Variants in HIP1R observed in about 807,000 individuals in gnomAD.
The protein encoded by HIP1R is huntingtin-interacting protein 1-related protein.
HIP1R carries 135 observed loss-of-function variants against 144.2 expected under a neutral mutation model. The ratio of observed to expected loss-of-function variants is 0.94; its 90% confidence interval spans 0.81 to 1.08. The LOEUF (loss-of-function observed/expected upper bound fraction) is 1.08. Among genes scored for constraint, HIP1R ranks in the 50% least tolerant of loss-of-function variants. The pLI, the probability that HIP1R is intolerant of heterozygous loss-of-function variation, is 0.00. For missense variants in HIP1R, 1,462 were observed against 1,432.8 expected, an observed-to-expected ratio of 1.02 and a Z score of -0.33; for synonymous variants, 698 against 612.8, an observed-to-expected ratio of 1.14 and a Z score of -2.05.
chr12:122,860,100 G>C, intron 25 of HIP1R, 23 bp downstream of exon 25: 3 of 1,580,874 alleles, frequency 1.9e-6, no homozygotes, highest in Non-Finnish European at 2.6e-6. Flanking sequence ...GACCCGGGGG[G>C]GTCTGCACCT....
At chr12:122,851,145 G>T in intron 6 of HIP1R, 91 bp from the exon 7 acceptor site, 1 of 1,167,610 alleles carries the variant, frequency 8.6e-7, no homozygotes, top group Non-Finnish European at 1.2e-6. Flanking sequence ...GGTGTCGGCG[G>T]TGCCCCCGTC....
chr12:122,861,259 G>A (rs2033762101), intron 30 of HIP1R, 49 bp from the exon 31 acceptor site: 1 of 1,613,154 alleles, frequency 6.2e-7, no homozygotes, highest in South Asian at 1.1e-5. Context: ...ACCCAGGAGA[G>A]AGCTCCCTGG....
chr12:122,847,533 G>A (rs1234276757), intron 1 of HIP1R, among the ~76,000 whole-genome samples: 2 of 152,230 alleles, frequency 1.3e-5, no homozygotes, highest in Non-Finnish European at 2.9e-5. Flanking sequence ...TGGGCCACAG[G>A]CCCTGGGCTT....
upstream of HIP1R, chr12:122,835,044 G>A (rs1000342421): frequency 7.9e-7 from 1 of 1,266,050 alleles, no homozygotes; most frequent in Middle Eastern, 2.3e-4. Context: ...GGAATTGGCT[G>A]GGGTCCCTAC....
chr12:122,850,194 G>A, intron 5 of HIP1R: 1 of 651,920 alleles, frequency 1.5e-6, no homozygotes, highest in South Asian at 1.5e-5. Context: ...CGTTTCTGTG[G>A]ACATGAGCGC....
chr12:122,852,732 G>T (rs1037056576), intron 7 of HIP1R, among the ~76,000 whole-genome samples: 2 of 152,148 alleles, frequency 1.3e-5, no homozygotes, highest in African/African-American at 2.4e-5. Context: ...AGAACGGAGG[G>T]TGGTGGGAAG....
rs1346526643 is a variant in HIP1R at position 122,835,467 on chromosome 12, C to T, written c.-84C>T. The T allele has an allele frequency of 1.7e-6, 2 of 1,174,530 alleles. No individual in the cohort carries two copies. Among genetic ancestry groups the T allele is most frequent in the Non-Finnish European group, 2.1e-6 (2 of 950,636 alleles). 72.8% of individuals were successfully genotyped at this position (1,174,530 alleles called of 1,614,324 possible). ...GGGCCCGGGCGCGGCGCGGTGGCCT[C>T]GCGGTGCCTAGGCTGGGGCTGCCGG... On this transcript the variant is annotated 5_prime_UTR_variant, in exon 1 of 32. Coordinates refer to ENST00000253083, the MANE Select transcript of HIP1R (RefSeq NM_003959.3).
intron 10 of HIP1R, 27 bp downstream of exon 10, chr12:122,855,155 C>A: frequency 9.3e-6 from 15 of 1,610,320 alleles, no homozygotes; most frequent in Non-Finnish European, 1.3e-5. Context: ...GGCCCCGAGG[C>A]CCTTTGAGGA....
chr12:122,836,858 A>G lies in HIP1R; in HGVS notation c.93+1215A>G, dbSNP rs75762911. On this transcript the variant is annotated intron_variant, in intron 1 of 31. Transcript: ENST00000253083. The surrounding 1 kb of genome is among the most constrained non-coding windows in gnomAD (Gnocchi z 4.1). The stretch of plus-strand genomic sequence containing the variant: ...AGACCTTCTAACCTTTGTGCTTGGG[A>G]TTGACCCAGAAAGCGATAATAAATC... 5.4e-3 allele frequency among the ~76,000 whole-genome samples: 821 copies of G among 152,292 alleles called. 2 individuals are homozygous for G. The highest frequency in any genetic ancestry group is 0.01 in the Admixed American group (155 of 15,292).
At chr12:122,854,744 C>T (rs1351435124) in intron 8 of HIP1R, among the ~76,000 whole-genome samples, 161 bp from the exon 9 acceptor site, 1 of 152,184 alleles carries the variant, frequency 6.6e-6, no homozygotes, top group Non-Finnish European at 1.5e-5. Context: ...CCTCCCACAG[C>T]GTCTCCCACA....
rs367784838 is a variant in HIP1R, at chr12:122,861,520, G to A, written c.3159+6G>A. On this transcript the variant is annotated splice_donor_region_variant and intron_variant, in intron 31 of 31. Transcript: ENST00000253083. ...CCCCCAGACAGGACCACCAGGTGCC[G>A]TCTGCACTGGGATGGGGGAGTTCCT... 7.6e-5 allele frequency: 122 copies of A among 1,607,874 alleles called. No individual in the cohort carries two copies. The African/African-American group carries it at 1.1e-3, about 14-fold the overall frequency.
In HIP1R at chr12:122,856,090, C is replaced by T. The variant is rs1348821494; in HGVS notation, c.1239C>T (p.Arg413=). ...QKALVDNEQL[R]HELAQLRAAQ... ...CCCTGGTGGATAATGAGCAGCTCCGCCACGAGCTGGCCCAGCTGAGGGCTG... is the reference window on the plus strand; with the variant it reads ...CCCTGGTGGATAATGAGCAGCTCCGTCACGAGCTGGCCCAGCTGAGGGCTG... The change falls in exon 14 of 32, where the codon CGC becomes CGT. Residue 413 remains arginine (R), a synonymous_variant. Transcript: ENST00000253083. 1 of 1,585,614 alleles carries T rather than the reference C, an allele frequency of 6.3e-7. No individual in the cohort carries two copies. Among genetic ancestry groups the T allele is most frequent in the South Asian group, 1.1e-5 (1 of 87,594 alleles).
At chr12:122,847,952 T>C (rs965069316) in intron 1 of HIP1R, 79 bp from the exon 2 acceptor site, 3 of 1,348,360 alleles carry the variant, frequency 2.2e-6, no homozygotes, top group South Asian at 1.2e-5. Context: ...CTGTTCAGTA[T>C]TGTGCTTCTC....
upstream of HIP1R, chr12:122,834,995 A>T (rs1446009796): frequency 2.3e-6 from 3 of 1,288,694 alleles, no homozygotes; most frequent in East Asian, 1.7e-4. Context: ...GCCCTGGTGC[A>T]GACAAGACTT....
At position 122,836,155 on chromosome 12, in the gene HIP1R, ATTTCCT is replaced by A. The variant is rs1403955305; in HGVS notation, c.93+514_93+519del. On this transcript the variant is annotated intron_variant, in intron 1 of 31. Coordinates refer to ENST00000253083, the MANE Select transcript of HIP1R (RefSeq NM_003959.3). The surrounding 1 kb of genome is among the most constrained non-coding windows in gnomAD (Gnocchi z 4.1). ...CCTGAAACCGATGCCCCCACGGGCA[ATTTCCT>A]TAAAGGAAATTCCTTAAACTCCCAG... is the stretch of plus-strand genomic sequence containing the variant. 6.6e-6 allele frequency among the ~76,000 whole-genome samples: 1 copy of A among 151,468 alleles called. No homozygotes were observed. Among genetic ancestry groups the A allele is most frequent in the Non-Finnish European group, 1.5e-5 (1 of 67,848 alleles).
chr12:122,861,005 C>T lies in HIP1R; in HGVS notation c.2856C>T (p.Ser952=), dbSNP rs146325425. Residue 952 remains serine, a synonymous_variant, in exon 29 of 32, where the codon TCC becomes TCT. Coordinates refer to ENST00000253083, the MANE Select transcript of HIP1R (RefSeq NM_003959.3). The part of the protein sequence containing the change: ...VNERAANVVA[S]TKSGQEQIED... The stretch of plus-strand genomic sequence containing the variant: ...AGAGGGCTGCCAATGTGGTGGCCTC[C>T]ACCAAGTCAGGCCAGGAGCAGATTG... The T allele has an allele frequency of 6.2e-7, 1 of 1,613,598 alleles. No individual in the cohort carries two copies. The highest frequency in any genetic ancestry group is 1.3e-5 in the African/African-American group (1 of 74,922).
chr12:122,848,181 C>T (rs563418222), intron 2 of HIP1R, 87 bp downstream of exon 2: 78 of 1,420,880 alleles, frequency 5.5e-5, no homozygotes, highest in South Asian at 4.3e-4. Flanking sequence ...TCAGCTGTGC[C>T]GGGGTCACAA....
rs768825387 is a variant in HIP1R, at chr12:122,860,759, C to T, written c.2741C>T (p.Thr914Met). The T allele has an allele frequency of 1.1e-5, 18 of 1,613,142 alleles. No homozygotes were observed. The highest frequency in any genetic ancestry group is 1.4e-5 in the Non-Finnish European group (17 of 1,179,894). The change falls in exon 28 of 32, where the codon ACG (threonine) becomes ATG (methionine). Residue 914 changes from threonine (T) to methionine (M), a missense_variant. This residue lies in a region of HIP1R where 1,112 missense variants were observed against 1,011.7 expected (regional missense o/e 1.10). Coordinates refer to ENST00000253083, the MANE Select transcript of HIP1R (RefSeq NM_003959.3). ...IVCSHEIAASTAQLVAASKVK... is the reference protein window; with the variant it reads ...IVCSHEIAASMAQLVAASKVK... ...TGCTCCCACGAGATCGCAGCCAGCA[C>T]GGCCCAGCTGGTGGCGGCCTCCAAG...
intron 1 of HIP1R, among the ~76,000 whole-genome samples, chr12:122,843,100 T>G (rs916357025): frequency 1.3e-5 from 2 of 152,240 alleles, no homozygotes; most frequent in Non-Finnish European, 2.9e-5. Flanking sequence ...ACTCGCAATT[T>G]GGAGGCATGT....
Sources: allele counts gnomAD v4.1 joint callset (sites outside exome capture counted in the v4.1 genomes callset), GRCh38; gene constraint gnomAD v4.1.1; regional missense constraint gnomAD v4.1.1; non-coding constraint Gnocchi (gnomAD v3.1); transcripts MANE v1.5; gene names NCBI Gene and HGNC (gene_info 2026-07-23, HGNC 2026-07-21).